Variants in SAMD4A observed in about 807,000 individuals in gnomAD.
SAMD4A encodes the protein sterile alpha motif domain containing 4A.
A neutral mutation model predicts 81.3 loss-of-function variants in SAMD4A; 33 were observed. That is an observed-to-expected ratio of 0.41 (90% CI 0.31 to 0.54). The LOEUF is 0.54. SAMD4A is among the 20% of genes least tolerant of loss of function. SAMD4A has a pLI of 0.37. For missense variants in SAMD4A, 854 were observed against 951.1 expected (o/e 0.90, Z 1.34); for synonymous variants, 389 against 382.1 (o/e 1.02, Z -0.21).
chr14:54,632,665 A>G (rs1316617643), intron 2 of SAMD4A, among the ~76,000 whole-genome samples: 1 of 152,164 alleles, frequency 6.6e-6, no homozygotes, highest in Non-Finnish European at 1.5e-5. Flanking sequence ...GCTGCATGGT[A>G]TTCCACCACA....
chr14:54,687,465 G>A, intron 2 of SAMD4A: 1 of 415,894 alleles, frequency 2.4e-6, no homozygotes, highest in Non-Finnish European at 4.7e-6. Context: ...AAAAAAGGCA[G>A]CCAAAAAACA....
intron 3 of SAMD4A, among the ~76,000 whole-genome samples, chr14:54,718,433 G>C (rs1011668977): frequency 6.6e-6 from 1 of 152,200 alleles, no homozygotes; most frequent in Non-Finnish European, 1.5e-5. Context: ...AATGGCTTAG[G>C]AGCAAGAAGC....
chr14:54,678,431 A>ATT (rs1199452458), intron 2 of SAMD4A, among the ~76,000 whole-genome samples: 2 of 77,358 alleles, frequency 2.6e-5, no homozygotes, highest in Admixed American at 1.6e-4. Flanking sequence ...GGCAGTCACC[A>ATT]TTTGTGTGTG....
At chr14:54,728,900 A>C (rs1329415382) in intron 3 of SAMD4A, among the ~76,000 whole-genome samples, 1 of 152,160 alleles carries the variant, frequency 6.6e-6, no homozygotes, top group Non-Finnish European at 1.5e-5. Flanking sequence ...TCCTTACCTG[A>C]TCAGTGAGAG....
At chr14:54,607,046 G>A (rs954656856) in intron 2 of SAMD4A, among the ~76,000 whole-genome samples, 5 of 152,232 alleles carry the variant, frequency 3.3e-5, no homozygotes, top group African/African-American at 9.6e-5. Flanking sequence ...GGCCTTGGCC[G>A]AACGTGGCAT....
intron 2 of SAMD4A, among the ~76,000 whole-genome samples, chr14:54,697,138 T>G (rs2036596526): frequency 6.6e-6 from 1 of 152,220 alleles, no homozygotes; most frequent in African/African-American, 2.4e-5. Context: ...ACCTAGCCAG[T>G]GTGACCAAGT....
chr14:54,749,804 T>A (rs1429720521), intron 5 of SAMD4A, among the ~76,000 whole-genome samples: 1 of 152,256 alleles, frequency 6.6e-6, no homozygotes, highest in Non-Finnish European at 1.5e-5. Context: ...GAATCGATGG[T>A]CTGAATAGGC....
chr14:54,691,599 C>T (rs937536453), intron 2 of SAMD4A, among the ~76,000 whole-genome samples: 1 of 147,722 alleles, frequency 6.8e-6, no homozygotes, highest in African/African-American at 2.5e-5. Flanking sequence ...ATTCTGATTG[C>T]ATCAATAGAC....
At chr14:54,733,454 CA>C (rs2037610072) in intron 3 of SAMD4A, among the ~76,000 whole-genome samples, 1 of 152,040 alleles carries the variant, frequency 6.6e-6, no homozygotes, top group South Asian at 2.1e-4. Flanking sequence ...GAAAAAGGCA[CA>C]ATTTTGTTCC....
rs2033061468 is a variant in SAMD4A, at chr14:54,569,377, G to C, written c.196+1265G>C. ...CTTCCATATATAGAATCATAGGGTG[G>C]AAGTGACCGCTGGAAATCTTCACAG... On this transcript the variant is annotated intron_variant, in intron 2 of 12. Coordinates refer to ENST00000554335, the MANE Select transcript of SAMD4A (RefSeq NM_015589.6). Among the ~76,000 whole-genome samples the C allele has an allele frequency of 3.9e-5, 6 of 152,306 alleles. No homozygotes were observed. The South Asian group carries it at 1.2e-3, about 32-fold the overall frequency.
At chr14:54,764,676 G>C in intron 8 of SAMD4A, 136 bp downstream of exon 8, 1 of 607,878 alleles carries the variant, frequency 1.6e-6, no homozygotes, top group Non-Finnish European at 2.9e-6. Context: ...AATAGGTTGG[G>C]CAGAACTAGG....
Position 54,778,668 on chromosome 14 carries a change from T to C in SAMD4A, c.2044+2128T>C, listed in dbSNP as rs1189071575. ...TACAAACCCACTTCCAGCAAGGTCT[T>C]AAAGATCCTCACATGGCATTTTTAA... On this transcript the variant is annotated intron_variant, in intron 11 of 12. Transcript: ENST00000554335. Among the ~76,000 whole-genome samples, 4 of 152,288 alleles carry C rather than the reference T, an allele frequency of 2.6e-5. No individual in the cohort carries two copies. In the East Asian group the frequency reaches 7.7e-4, roughly 29 times the overall value.
chr14:54,611,257 C>A (rs1020575364), intron 2 of SAMD4A, among the ~76,000 whole-genome samples: 13 of 152,274 alleles, frequency 8.5e-5, no homozygotes, highest in African/African-American at 2.9e-4. Context: ...TTATTAATAG[C>A]AACAGCAATA....
chr14:54,742,702 C>G (rs2037875286), intron 4 of SAMD4A, among the ~76,000 whole-genome samples: 1 of 150,762 alleles, frequency 6.6e-6, no homozygotes, highest in South Asian at 2.1e-4. Context: ...TCAACACCAA[C>G]TGAGTATGCT....
chr14:54,733,105 A>G (rs1033534636), intron 3 of SAMD4A, among the ~76,000 whole-genome samples: 2 of 152,198 alleles, frequency 1.3e-5, no homozygotes, highest in East Asian at 3.8e-4. Flanking sequence ...AGATGAGGTC[A>G]GAAGAGTTGA....
At chr14:54,613,913 A>G (rs1008730156) in intron 2 of SAMD4A, among the ~76,000 whole-genome samples, 1 of 152,214 alleles carries the variant, frequency 6.6e-6, no homozygotes, top group African/African-American at 2.4e-5. Flanking sequence ...ACAGAGTACA[A>G]ATTCACCCGT....
intron 3 of SAMD4A, among the ~76,000 whole-genome samples, chr14:54,716,464 A>G (rs2037120226): frequency 6.6e-6 from 1 of 152,194 alleles, no homozygotes; most frequent in Non-Finnish European, 1.5e-5. Flanking sequence ...GACAAAACAC[A>G]TATTACAGAG....
At chr14:54,695,637 C>T (rs577757397) in intron 2 of SAMD4A, among the ~76,000 whole-genome samples, 105 of 152,252 alleles carry the variant, frequency 6.9e-4, no homozygotes, top group Middle Eastern at 3.4e-3. Flanking sequence ...CCTGGAAGCC[C>T]GCAATCACCT....
intron 2 of SAMD4A, among the ~76,000 whole-genome samples, chr14:54,664,019 AATTAT>A (rs2035701898): frequency 1.3e-5 from 2 of 152,210 alleles, no homozygotes; most frequent in South Asian, 4.1e-4. Flanking sequence ...CTGTCTCGAA[AATTAT>A]ATTGTTGCCT....
Sources: gnomAD v4.1 joint callset for allele counts (sites outside exome capture counted in the v4.1 genomes callset) on GRCh38, gnomAD v4.1.1 for gene constraint, MANE v1.5 for transcripts, NCBI Gene and HGNC (gene_info 2026-07-23, HGNC 2026-07-21) for gene names.